DOCK1: variants seen among roughly 807,000 people sequenced by gnomAD.
The protein encoded by DOCK1 is dedicator of cytokinesis protein 1.
In DOCK1, 138 loss-of-function variants were observed where a neutral mutation model predicts 262.7. The ratio of observed to expected loss-of-function variants is 0.53; its 90% CI spans 0.46 to 0.61. The LOEUF (loss-of-function observed/expected upper bound fraction) is 0.61. Among genes scored for constraint, DOCK1 ranks in the 20% least tolerant of loss-of-function variants. The probability of loss-of-function intolerance (pLI) is 0.00; values close to 1 mark genes in which losing one functional copy is unlikely to be tolerated. For missense variants in DOCK1, 1,908 were observed against 2,370.7 expected (o/e 0.80, Z 4.05); for synonymous variants, 866 against 867.4 (o/e 1.00, Z 0.03).
chr10:127,259,995 T>G (rs1490706382), intron 29 of DOCK1, among the ~76,000 whole-genome samples: 1 of 152,110 alleles, frequency 6.6e-6, no homozygotes, highest in East Asian at 1.9e-4. Context: ...GGTTTCCTTC[T>G]CCAGAGACCC....
chr10:127,186,319 A>G (rs1288041014), intron 27 of DOCK1, among the ~76,000 whole-genome samples: 1 of 152,218 alleles, frequency 6.6e-6, no homozygotes, highest in African/African-American at 2.4e-5. Context: ...GCAAAGGAGA[A>G]GCAGGCACCT....
At chr10:126,911,418 C>T (rs2031741865) in intron 1 of DOCK1, among the ~76,000 whole-genome samples, 2 of 152,194 alleles carry the variant, frequency 1.3e-5, no homozygotes, top group Admixed American at 6.5e-5. Flanking sequence ...CAGGGAAGGA[C>T]TTTGATCCAG....
chr10:127,037,848 C>CT (rs56038046), intron 19 of DOCK1, 32 bp downstream of exon 19: 13,619 of 1,044,340 alleles, frequency 0.013, 4 homozygotes, highest in Middle Eastern at 0.02. Context: ...CTTTTTGGGT[C>CT]TTTTTTTTTT....
At chr10:127,234,239 C>A (rs997349467) in intron 27 of DOCK1, among the ~76,000 whole-genome samples, 5 of 152,020 alleles carry the variant, frequency 3.3e-5, no homozygotes, top group Non-Finnish European at 7.4e-5. Flanking sequence ...AAAGACAACA[C>A]AAAAATATTG....
At chr10:127,380,165 T>C in intron 36 of DOCK1, 43 bp downstream of exon 36, 2 of 1,350,446 alleles carry the variant, frequency 1.5e-6, no homozygotes, top group South Asian at 1.4e-5. Flanking sequence ...TTATAAATAA[T>C]AATATATGTT....
At chr10:127,084,566 C>T (rs1234146494) in intron 23 of DOCK1, among the ~76,000 whole-genome samples, 1 of 152,176 alleles carries the variant, frequency 6.6e-6, no homozygotes, top group Non-Finnish European at 1.5e-5. Flanking sequence ...GGCTGAGATA[C>T]CATTGATTGT....
chr10:126,956,034 C>T (rs1440828435), intron 1 of DOCK1, among the ~76,000 whole-genome samples: 1 of 152,186 alleles, frequency 6.6e-6, no homozygotes, highest in Non-Finnish European at 1.5e-5. Context: ...TCCTCCAAGG[C>T]TGTGCTGGGA....
At chr10:126,936,036 A>G (rs2034538347) in intron 1 of DOCK1, among the ~76,000 whole-genome samples, 1 of 152,240 alleles carries the variant, frequency 6.6e-6, no homozygotes, top group African/African-American at 2.4e-5. Context: ...GCTGGAGTGC[A>G]GTGGCACAGT....
intron 6 of DOCK1, among the ~76,000 whole-genome samples, chr10:126,996,405 T>C (rs959987052): frequency 8.5e-5 from 12 of 141,266 alleles, no homozygotes; most frequent in African/African-American, 3.1e-4. Context: ...AAAAAAAAAG[T>C]ATGCCTTAAA....
At position 127,016,887 on chromosome 10, in the gene DOCK1, C is replaced by T. The variant is rs538398164; in HGVS notation, c.1202-1823C>T. On this transcript the variant is annotated intron_variant, in intron 12 of 51. Coordinates refer to ENST00000623213, the MANE Select transcript of DOCK1 (RefSeq NM_001290223.2). Reference sequence around the variant, plus strand: ...CACACACAGATACACCACAAACACACAGATGCAGACACCACAAACACAGAT... The same window carrying T: ...CACACACAGATACACCACAAACACATAGATGCAGACACCACAAACACAGAT... Among the ~76,000 whole-genome samples the T allele has an allele frequency of 4.5e-4, 55 of 121,480 alleles. No individual in the cohort carries two copies. In the South Asian group the frequency reaches 5.5e-3, roughly 12 times the overall value. The allele number at this position is 121,480 out of a possible 152,430, so 79.7% of individuals were successfully genotyped here.
At chr10:126,974,316 T>C (rs555636063) in intron 2 of DOCK1, among the ~76,000 whole-genome samples, 2 of 152,312 alleles carry the variant, frequency 1.3e-5, no homozygotes, top group East Asian at 1.9e-4. Flanking sequence ...GAAATTGTCC[T>C]TTTGATTCAG....
chr10:126,923,599 G>A (rs999116313), intron 1 of DOCK1, among the ~76,000 whole-genome samples: 8 of 152,226 alleles, frequency 5.3e-5, no homozygotes, highest in African/African-American at 1.2e-4. Context: ...ACTCCAGCCT[G>A]GGTGACAGAG....
chr10:127,161,741 C>G (rs2053609857), intron 27 of DOCK1, among the ~76,000 whole-genome samples: 1 of 152,184 alleles, frequency 6.6e-6, no homozygotes, highest in South Asian at 2.1e-4. Flanking sequence ...ATTTCCTCTG[C>G]CAGAACACCT....
intron 13 of DOCK1, among the ~76,000 whole-genome samples, chr10:127,020,273 T>C (rs1475374688): frequency 6.6e-6 from 1 of 152,204 alleles, no homozygotes; most frequent in African/African-American, 2.4e-5. Context: ...ATTTATAAAT[T>C]AGGATGAAGC....
chr10:126,951,255 T>C (rs1333089539), intron 1 of DOCK1, among the ~76,000 whole-genome samples: 1 of 151,454 alleles, frequency 6.6e-6, no homozygotes, highest in Non-Finnish European at 1.5e-5. Flanking sequence ...GTAATATTAG[T>C]GATAGTGGTG....
intron 1 of DOCK1, among the ~76,000 whole-genome samples, chr10:126,959,890 T>G (rs1241433347): frequency 2.6e-5 from 4 of 152,108 alleles, no homozygotes; most frequent in Non-Finnish European, 5.9e-5. Context: ...CAATCTCGGC[T>G]CACTGCAACC....
chr10:127,409,521 C>A, intron 42 of DOCK1, 130 bp downstream of exon 42: 2 of 933,094 alleles, frequency 2.1e-6, no homozygotes, highest in East Asian at 2.5e-5. Flanking sequence ...TCTTTCTGTC[C>A]TCTTTGAAGA....
At chr10:126,932,114 A>G (rs1409544779) in intron 1 of DOCK1, among the ~76,000 whole-genome samples, 1 of 152,174 alleles carries the variant, frequency 6.6e-6, no homozygotes, top group East Asian at 1.9e-4. Context: ...TGAACTCCAG[A>G]ATCAGTATTC....
chr10:127,252,867 C>A (rs772646604), intron 28 of DOCK1, among the ~76,000 whole-genome samples: 9 of 152,068 alleles, frequency 5.9e-5, no homozygotes, highest in Admixed American at 3.3e-4. Flanking sequence ...TTTGGCGATG[C>A]GGGCTCTTTT....
Sources: gnomAD v4.1 joint callset for allele counts (sites outside exome capture counted in the v4.1 genomes callset) on GRCh38, gnomAD v4.1.1 for gene constraint, MANE v1.5 for transcripts, NCBI Gene and HGNC (gene_info 2026-07-23, HGNC 2026-07-21) for gene names.